The following PID1 variants were observed in gnomAD, a reference collection of about 807,000 sequenced individuals.
PID1 encodes PTB-containing, cubilin and LRP1-interacting protein.
Under a neutral mutation model 19.1 loss-of-function variants are expected in PID1, and 10 were observed. The observed-to-expected ratio is 0.52, with a 90% CI of 0.32 to 0.89. The LOEUF (loss-of-function observed/expected upper bound fraction) is 0.89, where lower values mean the gene tolerates loss of function less well. PID1 is among the 40% of genes least tolerant of loss of function. The pLI, the probability that PID1 is intolerant of heterozygous loss-of-function variation, is 0.03. For synonymous variants in PID1, 130 were observed against 116.0 expected (o/e 1.12, Z -0.78); for missense variants, 248 against 285.3 (o/e 0.87, Z 0.94).
intron 1 of PID1, among the ~76,000 whole-genome samples, chr2:229,166,528 T>C (rs553026725): frequency 6.6e-5 from 10 of 152,328 alleles, no homozygotes; most frequent in African/African-American, 2.4e-4. Flanking sequence ...TGCTCAATGC[T>C]AGAGGGAAAA....
intron 1 of PID1, among the ~76,000 whole-genome samples, chr2:229,251,944 T>TAAAAAAAAAAAAA (rs11284650): frequency 7.0e-5 from 5 of 71,466 alleles, no homozygotes; most frequent in Non-Finnish European, 1.1e-4. Context: ...AACCATAAGC[T>TAAAAAAAAAAAAA]AAAAAAAAAA....
rs1330410693 is a variant in PID1 at position 229,271,074 on chromosome 2, G to A, written c.-31C>T. The A allele has an allele frequency of 2.6e-6, 4 of 1,540,048 alleles. No homozygotes were observed. The highest frequency in any genetic ancestry group is 2.0e-5 in the Admixed American group (1 of 50,086). On this transcript the variant is annotated 5_prime_UTR_variant, in exon 1 of 3. Transcript: ENST00000392055. ...AGCCCTGGGTTTTGGCAGAGGAGAC[G>A]CTGGCGAGACTGTCGATCGCGCCGG...
intron 1 of PID1, among the ~76,000 whole-genome samples, chr2:229,167,005 G>A (rs1302441137): frequency 6.7e-6 from 1 of 148,828 alleles, no homozygotes; most frequent in Admixed American, 6.8e-5. Flanking sequence ...GGAAGGGGAA[G>A]GAAAGGAAAG....
chr2:229,263,488 G>T (rs7596814), intron 1 of PID1, among the ~76,000 whole-genome samples: 32,973 of 152,114 alleles, frequency 0.22, 4,199 homozygotes, highest in Non-Finnish European at 0.28. Flanking sequence ...GTTAAAAACT[G>T]GTCTCTGACA....
At chr2:229,237,987 A>T (rs1689761874) in intron 1 of PID1, among the ~76,000 whole-genome samples, 1 of 152,220 alleles carries the variant, frequency 6.6e-6, no homozygotes, top group Non-Finnish European at 1.5e-5. Context: ...GAAAAAGTGG[A>T]GCTAGTATCA....
intron 2 of PID1, among the ~76,000 whole-genome samples, chr2:229,140,268 A>G (rs765071150): frequency 6.6e-6 from 1 of 152,190 alleles, no homozygotes; most frequent in Non-Finnish European, 1.5e-5. Flanking sequence ...CATTTGTCAT[A>G]TAATCAGTGT....
At chr2:229,031,215 CAAA>C (rs3083804) in intron 2 of PID1, among the ~76,000 whole-genome samples, 5 of 68,432 alleles carry the variant, frequency 7.3e-5, no homozygotes, top group Admixed American at 2.0e-4. Flanking sequence ...GACTCTGTCT[CAAA>C]AAAAAAAAAA....
chr2:229,209,972 T>A (rs1163524848), intron 1 of PID1, among the ~76,000 whole-genome samples: 1 of 152,118 alleles, frequency 6.6e-6, no homozygotes, highest in Non-Finnish European at 1.5e-5. Context: ...ACATACATGT[T>A]GAAAATCTTC....
At position 229,038,353 on chromosome 2, in the gene PID1, T is replaced by C. The variant is rs140874593; in HGVS notation, c.178-12245A>G. ...CATATCATGGGATACCACTCAGCAA[T>C]AAGAAGGAATAAACTCTGATATGTG... On this transcript the variant is annotated intron_variant, in intron 2 of 2. Coordinates refer to ENST00000392055, the MANE Select transcript of PID1 (RefSeq NM_001100818.2). Among the ~76,000 whole-genome samples the C allele has an allele frequency of 1.3e-3, 200 of 152,242 alleles. 3 individuals carry two copies. The highest frequency in any genetic ancestry group is 3.4e-3 in the Middle Eastern group (1 of 294).
chr2:229,147,546 C>G (rs1489957198), intron 2 of PID1, among the ~76,000 whole-genome samples: 1 of 151,752 alleles, frequency 6.6e-6, no homozygotes, highest in Admixed American at 6.6e-5. Flanking sequence ...AAAATGGATA[C>G]TAATAACATG....
intron 2 of PID1, among the ~76,000 whole-genome samples, chr2:229,081,385 G>A (rs1694666476): frequency 6.6e-6 from 1 of 152,126 alleles, no homozygotes; most frequent in Non-Finnish European, 1.5e-5. Flanking sequence ...ACAGTGCTTA[G>A]GTATATAGTA....
chr2:229,056,859 A>G (rs1351027081), intron 2 of PID1, among the ~76,000 whole-genome samples: 3 of 152,080 alleles, frequency 2.0e-5, no homozygotes, highest in Admixed American at 2.0e-4. Flanking sequence ...CTGATTTTTC[A>G]TGCCCTGAGG....
In PID1 at chr2:229,122,639, T is replaced by C. The variant is rs144286440; in HGVS notation, c.177+33179A>G. ...TGTTCAAGCAGGTAGCCAGCATTTG[T>C]GGAACACACTGAAGGGAAGCAGGCC... On this transcript the variant is annotated intron_variant, in intron 2 of 2. Transcript: ENST00000392055. 1.7e-3 allele frequency among the ~76,000 whole-genome samples: 265 copies of C among 152,292 alleles called. 2 individuals carry two copies. The highest frequency in any genetic ancestry group is 6.0e-3 in the African/African-American group (249 of 41,570).
At chr2:229,207,592 A>G (rs1488624853) in intron 1 of PID1, among the ~76,000 whole-genome samples, 1 of 151,108 alleles carries the variant, frequency 6.6e-6, no homozygotes, top group African/African-American at 2.4e-5. Context: ...ATCTGTAGGC[A>G]GTCACTCAGC....
rs75873497 is a variant in PID1 at position 229,042,978 on chromosome 2, G to A, written c.178-16870C>T. Among the ~76,000 whole-genome samples the A allele has an allele frequency of 5.5e-3, 830 of 150,740 alleles. 13 individuals are homozygous for A. Among genetic ancestry groups the A allele is most frequent in the African/African-American group, 0.019 (776 of 41,008 alleles). Reference sequence around the variant, plus strand: ...GAGAGAGAGAGAGAAAGGGGGTAGCGCAGAAAGAGAGAGAGAGGAGAAAGG... The same window carrying A: ...GAGAGAGAGAGAGAAAGGGGGTAGCACAGAAAGAGAGAGAGAGGAGAAAGG... On this transcript the variant is annotated intron_variant, in intron 2 of 2. Transcript: ENST00000392055.
intron 1 of PID1, among the ~76,000 whole-genome samples, chr2:229,259,057 GTTT>G (rs35065323): frequency 7.3e-6 from 1 of 136,950 alleles, no homozygotes; most frequent in East Asian, 2.1e-4. Flanking sequence ...CAAGGTCGTA[GTTT>G]TTTTTTTTTT....
chr2:229,117,509 C>G (rs1695433321), intron 2 of PID1, among the ~76,000 whole-genome samples: 1 of 152,168 alleles, frequency 6.6e-6, no homozygotes, highest in Non-Finnish European at 1.5e-5. Context: ...TCCATCCTTC[C>G]TTTCTCTGTA....
At chr2:229,123,958 T>C (rs1695573764) in intron 2 of PID1, among the ~76,000 whole-genome samples, 1 of 152,188 alleles carries the variant, frequency 6.6e-6, no homozygotes, top group Non-Finnish European at 1.5e-5. Flanking sequence ...AATATTTTAG[T>C]GCACAAAGTA....
chr2:229,079,078 T>C (rs1694619977), intron 2 of PID1, among the ~76,000 whole-genome samples: 1 of 152,164 alleles, frequency 6.6e-6, no homozygotes, highest in Non-Finnish European at 1.5e-5. Flanking sequence ...AGGAAATAAA[T>C]TGAAAAAAGC....
Sources: gnomAD v4.1 joint callset for allele counts (sites outside exome capture counted in the v4.1 genomes callset) on GRCh38, gnomAD v4.1.1 for gene constraint, MANE v1.5 for transcripts, NCBI Gene and HGNC (gene_info 2026-07-23, HGNC 2026-07-21) for gene names.